The following MAGI2 variants were observed in gnomAD, a reference collection of about 807,000 sequenced individuals.
The protein encoded by MAGI2 is membrane-associated guanylate kinase, WW and PDZ domain-containing protein 2.
Under a neutral mutation model 133.3 loss-of-function variants are expected in MAGI2, and 35 were observed. The observed-to-expected ratio is 0.26, with a 90% CI of 0.20 to 0.35. MAGI2 has a LOEUF of 0.35. Ranked by LOEUF, MAGI2 falls within the 10% of genes least tolerant of loss-of-function variation. The probability of loss-of-function intolerance (pLI) is 1.00; values close to 1 mark genes in which losing one functional copy is unlikely to be tolerated. For synonymous variants in MAGI2, 729 were observed against 710.6 expected, an observed-to-expected ratio of 1.03 and a Z score of -0.41; for missense variants, 1,636 against 1,863.4, an observed-to-expected ratio of 0.88 and a Z score of 2.25.
chr7:78,525,553 G>T (rs185097157), intron 3 of MAGI2, among the ~76,000 whole-genome samples: 353 of 152,260 alleles, frequency 2.3e-3, no homozygotes, highest in African/African-American at 8.2e-3. Flanking sequence ...TGTTCCCTAA[G>T]GATGAAGTGC....
intron 2 of MAGI2, among the ~76,000 whole-genome samples, chr7:78,833,514 G>A (rs895884550): frequency 1.3e-4 from 20 of 152,224 alleles, no homozygotes; most frequent in Non-Finnish European, 2.2e-4. Flanking sequence ...GCTGTATTGC[G>A]GGCTGTTGGC....
rs115908000 is a variant in MAGI2, at chr7:78,338,834, A to G, written c.1408+4944T>C. ...CTAATAAAATTATACAGTTAGCAAT[A>G]TACTTTAAAAAATTTCTGTTGCTTA... On this transcript the variant is annotated intron_variant, in intron 9 of 21. Coordinates refer to ENST00000354212, the MANE Select transcript of MAGI2 (RefSeq NM_012301.4). Among the ~76,000 whole-genome samples, 826 of 152,296 alleles carry G rather than the reference A, an allele frequency of 5.4e-3. 11 individuals are homozygous for G. Among genetic ancestry groups the G allele is most frequent in the African/African-American group, 0.018 (763 of 41,562 alleles).
intron 2 of MAGI2, among the ~76,000 whole-genome samples, chr7:78,838,215 C>T (rs1204539041): frequency 1.3e-5 from 2 of 152,078 alleles, no homozygotes; most frequent in African/African-American, 4.8e-5. Context: ...TGCTTAGTCG[C>T]TGTCTTTGTA....
rs550894770 is a variant in MAGI2 at position 78,247,724 on chromosome 7, T to C, written c.2047+8219A>G. Among the ~76,000 whole-genome samples the C allele has an allele frequency of 2.6e-5, 4 of 152,098 alleles. No homozygotes were observed. The East Asian group carries it at 7.7e-4, about 29-fold the overall frequency. ...AAGAAAGAATCTCTGAACTTGAAGATAGATCTAGATCTTTTGAAATTACCC... is the reference window on the plus strand; with the variant it reads ...AAGAAAGAATCTCTGAACTTGAAGACAGATCTAGATCTTTTGAAATTACCC... On this transcript the variant is annotated intron_variant, in intron 10 of 21. Coordinates refer to ENST00000354212, the MANE Select transcript of MAGI2 (RefSeq NM_012301.4).
At chr7:78,054,588 A>C (rs1421926936) in intron 21 of MAGI2, among the ~76,000 whole-genome samples, 2 of 124,086 alleles carry the variant, frequency 1.6e-5, no homozygotes, top group Non-Finnish European at 3.2e-5. Flanking sequence ...TCATAGGCAT[A>C]CTTTTTTTTT....
At chr7:79,148,826 T>C (rs1222171503) in intron 1 of MAGI2, among the ~76,000 whole-genome samples, 2 of 149,196 alleles carry the variant, frequency 1.3e-5, no homozygotes, top group African/African-American at 4.9e-5. Context: ...TCCATATATA[T>C]ATATACACAT....
intron 9 of MAGI2, among the ~76,000 whole-genome samples, chr7:78,270,898 C>T (rs565461939): frequency 6.6e-6 from 1 of 151,626 alleles, no homozygotes; most frequent in African/African-American, 2.4e-5. Context: ...AAGTATTGCA[C>T]ATAATTGCAA....
At chr7:78,158,677 T>C (rs1824641375) in intron 16 of MAGI2, among the ~76,000 whole-genome samples, 1 of 152,164 alleles carries the variant, frequency 6.6e-6, no homozygotes, top group Admixed American at 6.5e-5. Flanking sequence ...AGGAATTCAG[T>C]TCATGGTTTG....
rs1483265727 is a variant in MAGI2 at position 78,648,107 on chromosome 7, G to A, written c.419-20868C>T. Among the ~76,000 whole-genome samples the A allele has an allele frequency of 2.6e-5, 4 of 152,212 alleles. No homozygotes were observed. In the South Asian group the frequency reaches 8.3e-4, roughly 32 times the overall value. On this transcript the variant is annotated intron_variant, in intron 2 of 21. Transcript: ENST00000354212. ...ACATGTATACCTATGTAACAAACCT[G>A]CAAGTTGTGCACATGTACCCTAGAA...
intron 3 of MAGI2, among the ~76,000 whole-genome samples, chr7:78,527,022 A>AAAAAAAAAAAAAAG (rs1797023799): frequency 1.3e-5 from 2 of 148,372 alleles, no homozygotes; most frequent in Admixed American, 1.3e-4. Flanking sequence ...AAAAAAAAAA[A>AAAAAAAAAAAAAAG]AAAAAAAAAA....
At chr7:78,774,212 T>C (rs567969096) in intron 2 of MAGI2, among the ~76,000 whole-genome samples, 1 of 152,322 alleles carries the variant, frequency 6.6e-6, no homozygotes, top group Non-Finnish European at 1.5e-5. Flanking sequence ...TTTAATCTTC[T>C]AAGGTGGTTC....
intron 1 of MAGI2, among the ~76,000 whole-genome samples, chr7:79,129,459 C>T (rs1445778119): frequency 1.3e-5 from 2 of 152,160 alleles, no homozygotes; most frequent in Non-Finnish European, 2.9e-5. Flanking sequence ...CTTTGGTTAG[C>T]AACGTAATGC....
intron 3 of MAGI2, among the ~76,000 whole-genome samples, chr7:78,538,727 T>G (rs1006129692): frequency 6.6e-6 from 1 of 152,214 alleles, no homozygotes; most frequent in African/African-American, 2.4e-5. Context: ...ATTTATCAGA[T>G]CTAGGAGCTT....
At chr7:78,134,314 A>C (rs1821874430) in intron 17 of MAGI2, 2 of 152,238 alleles carry the variant, frequency 1.3e-5, no homozygotes, top group Non-Finnish European at 2.9e-5. Context: ...TGTGTGGGAC[A>C]CTCATCAGTG....
intron 1 of MAGI2, among the ~76,000 whole-genome samples, chr7:79,042,874 A>G (rs1369188302): frequency 6.6e-6 from 1 of 152,116 alleles, no homozygotes; most frequent in African/African-American, 2.4e-5. Context: ...ACAAAACCAT[A>G]TCAACCATGC....
intron 21 of MAGI2, among the ~76,000 whole-genome samples, chr7:78,033,201 G>A (rs1809778759): frequency 6.6e-6 from 1 of 152,134 alleles, no homozygotes; most frequent in African/African-American, 2.4e-5. Context: ...TGGACCTGCT[G>A]ATGGATTGAA....
At chr7:78,766,896 T>C (rs1825082686) in intron 2 of MAGI2, among the ~76,000 whole-genome samples, 1 of 152,218 alleles carries the variant, frequency 6.6e-6, no homozygotes, top group Non-Finnish European at 1.5e-5. Flanking sequence ...GTGTATTTTA[T>C]AGGTCTTGAC....
intron 2 of MAGI2, among the ~76,000 whole-genome samples, chr7:78,672,558 G>C (rs914962055): frequency 2.0e-5 from 3 of 152,138 alleles, no homozygotes; most frequent in Non-Finnish European, 4.4e-5. Context: ...CAAAATGGCT[G>C]GTTTCATCTA....
chr7:79,398,572 A>C (rs1845221994), intron 1 of MAGI2, among the ~76,000 whole-genome samples: 1 of 152,198 alleles, frequency 6.6e-6, no homozygotes, highest in African/African-American at 2.4e-5. Context: ...GTTTTTCATC[A>C]GTGATGAATT....
Sources: gnomAD v4.1 joint callset for allele counts (sites outside exome capture counted in the v4.1 genomes callset) on GRCh38, gnomAD v4.1.1 for gene constraint, MANE v1.5 for transcripts, NCBI Gene and HGNC (gene_info 2026-07-23, HGNC 2026-07-21) for gene names.